Variants in ANKDD1B observed in about 807,000 individuals in gnomAD.
ANKDD1B encodes the protein ankyrin repeat and death domain containing 1B, also known as ankyrin repeat and death domain-containing protein 1B.
A neutral mutation model predicts 59.7 loss-of-function variants in ANKDD1B; 57 were observed. The ratio of observed to expected loss-of-function variants is 0.95; its 90% CI spans 0.77 to 1.19. The LOEUF (loss-of-function observed/expected upper bound fraction) is 1.19. ANKDD1B is among the 50% of genes most tolerant of loss of function. The pLI, the probability that ANKDD1B is intolerant of heterozygous loss-of-function variation, is 0.00. For missense variants in ANKDD1B, 602 were observed against 641.9 expected, an observed-to-expected ratio of 0.94 and a Z score of 0.67; for synonymous variants, 216 against 239.5, an observed-to-expected ratio of 0.90 and a Z score of 0.91.
At chr5:75,612,332 TCCGCC>T (rs1170841613) in intron 1 of ANKDD1B, among the ~76,000 whole-genome samples, 2 of 32,178 alleles carry the variant, frequency 6.2e-5, no homozygotes, top group Non-Finnish European at 1.4e-4. Flanking sequence ...CCCCCCGCCC[TCCGCC>T]CCGCCCCCGC....
At chr5:75,660,452 A>G (rs1233313781) in intron 10 of ANKDD1B, among the ~76,000 whole-genome samples, 1 of 152,230 alleles carries the variant, frequency 6.6e-6, no homozygotes, top group African/African-American at 2.4e-5. Flanking sequence ...GCTAAATAAC[A>G]TTTCATTGTA....
intron 13 of ANKDD1B, 65 bp from the exon 14 acceptor site, chr5:75,670,914 G>A: frequency 1.9e-6 from 1 of 538,002 alleles, no homozygotes; most frequent in Non-Finnish European, 2.8e-6. Context: ...GAATAATAGT[G>A]CCTGGTAGAC....
At chr5:75,669,014 T>C (rs1472626457) in intron 12 of ANKDD1B, among the ~76,000 whole-genome samples, 1 of 152,198 alleles carries the variant, frequency 6.6e-6, no homozygotes, top group South Asian at 2.1e-4. Flanking sequence ...ACAGCTGTCC[T>C]CTCTCTTGTA....
intron 10 of ANKDD1B, 103 bp from the exon 11 acceptor site, chr5:75,663,291 G>A: frequency 1.2e-6 from 1 of 843,058 alleles, no homozygotes; most frequent in Non-Finnish European, 1.9e-6. Flanking sequence ...ACCCAGCATG[G>A]GCTGGTAGAA....
In ANKDD1B at chr5:75,663,448, G is replaced by A. The variant is rs1259219691; in HGVS notation, c.1150G>A (p.Gly384Ser). 2.4e-5 allele frequency: 37 copies of A among 1,536,304 alleles called. No homozygotes were observed. In the East Asian group the frequency reaches 2.9e-4, roughly 12 times the overall value. Residue 384 changes from glycine to serine, a missense_variant, in exon 11 of 14, where the codon GGC becomes AGC. By Grantham distance (56) the Gly-to-Ser change is moderately conservative. Around this residue, in one of 3 missense-constraint regions of ANKDD1B, gnomAD observed 280 missense variants for 319.8 expected, o/e 0.88. Transcript: ENST00000601380. ...ASRSNHSLVVGMLIKAERYYA... is the reference protein window; with the variant it reads ...ASRSNHSLVVSMLIKAERYYA... The stretch of plus-strand genomic sequence containing the variant: ...CAGGAGCAACCATAGCCTTGTCGTG[G>A]GCATGCTCATTAAAGCAGAGAGATA...
In ANKDD1B at chr5:75,637,715, G is replaced by C. The variant is rs143317736; in HGVS notation, c.798+1833G>C. 1.7e-3 allele frequency among the ~76,000 whole-genome samples: 259 copies of C among 152,210 alleles called. 3 individuals are homozygous for C. Among genetic ancestry groups the C allele is most frequent in the African/African-American group, 6.0e-3 (248 of 41,538 alleles). On this transcript the variant is annotated intron_variant, in intron 7 of 13. Coordinates refer to ENST00000601380, the MANE Select transcript of ANKDD1B (RefSeq NM_001276713.2). ...AGGAAAAAATAAGCAAGATAACTCA[G>C]TTAATTGTTTCTAAATTTCATGCTG...
intron 13 of ANKDD1B, 106 bp downstream of exon 13, chr5:75,669,489 TG>T: frequency 9.9e-7 from 1 of 1,011,322 alleles, no homozygotes; most frequent in Non-Finnish European, 1.3e-6. Context: ...TGGTGTTAGC[TG>T]TGGCTCACAC....
chr5:75,616,548 G>A (rs550381555), intron 1 of ANKDD1B, among the ~76,000 whole-genome samples: 2 of 152,328 alleles, frequency 1.3e-5, no homozygotes, highest in South Asian at 4.1e-4. Flanking sequence ...ACTGACTTCA[G>A]GGTGGTCCTC....
At chr5:75,616,470 T>A (rs1033256370) in intron 1 of ANKDD1B, among the ~76,000 whole-genome samples, 3 of 152,132 alleles carry the variant, frequency 2.0e-5, no homozygotes, top group Non-Finnish European at 2.9e-5. Flanking sequence ...TGTACAAGGT[T>A]TTTTACAAAC....
At chr5:75,670,672 T>C (rs1252776980) in intron 13 of ANKDD1B, among the ~76,000 whole-genome samples, 1 of 152,204 alleles carries the variant, frequency 6.6e-6, no homozygotes, top group Non-Finnish European at 1.5e-5. Context: ...ATTCTTCCTA[T>C]GAAAGAGGTT....
At chr5:75,640,377 T>G (rs1429834325) in intron 7 of ANKDD1B, among the ~76,000 whole-genome samples, 1 of 152,214 alleles carries the variant, frequency 6.6e-6, no homozygotes, top group Non-Finnish European at 1.5e-5. Flanking sequence ...TTTAGTTTTC[T>G]TATCTGTAAC....
chr5:75,654,624 G>A (rs1372253590), intron 8 of ANKDD1B, among the ~76,000 whole-genome samples: 1 of 152,012 alleles, frequency 6.6e-6, no homozygotes, highest in Non-Finnish European at 1.5e-5. Context: ...AGGTTACAGT[G>A]AATGACGATG....
intron 5 of ANKDD1B, among the ~76,000 whole-genome samples, chr5:75,632,949 G>A (rs1053907889): frequency 5.3e-5 from 8 of 152,164 alleles, no homozygotes; most frequent in African/African-American, 1.9e-4. Flanking sequence ...AATTATTTAT[G>A]AGGATATGTG....
chr5:75,648,280 A>AAT (rs55883143), intron 7 of ANKDD1B, among the ~76,000 whole-genome samples: 1 of 139,500 alleles, frequency 7.2e-6, no homozygotes, highest in African/African-American at 2.7e-5. Context: ...AAAAAAAAAA[A>AAT]AAAGAATTCA....
chr5:75,660,750 T>C (rs779755312), intron 10 of ANKDD1B, among the ~76,000 whole-genome samples: 2 of 152,122 alleles, frequency 1.3e-5, no homozygotes, highest in Non-Finnish European at 2.9e-5. Flanking sequence ...TCACTCCAGT[T>C]TTCAAGAGCA....
intron 1 of ANKDD1B, among the ~76,000 whole-genome samples, chr5:75,612,400 G>A (rs1773594013): frequency 7.3e-6 from 1 of 137,610 alleles, no homozygotes; most frequent in Non-Finnish European, 1.6e-5. Context: ...CTGGAAGGCA[G>A]TAGTGCAATC....
At chr5:75,617,872 G>C (rs1773752320) in intron 2 of ANKDD1B, among the ~76,000 whole-genome samples, 1 of 152,274 alleles carries the variant, frequency 6.6e-6, no homozygotes, top group South Asian at 2.1e-4. Context: ...AGAAACTGAA[G>C]CTGCAGAATC....
chr5:75,653,990 T>A (rs1314690596), intron 8 of ANKDD1B, among the ~76,000 whole-genome samples: 1 of 152,254 alleles, frequency 6.6e-6, no homozygotes, highest in East Asian at 1.9e-4. Context: ...CAATGCCCAC[T>A]TCTTTGCAAT....
At chr5:75,663,273 C>T in intron 10 of ANKDD1B, 121 bp from the exon 11 acceptor site, 1 of 734,416 alleles carries the variant, frequency 1.4e-6, no homozygotes, top group Non-Finnish European at 2.3e-6. Flanking sequence ...AAGGACTGGC[C>T]TAAGTTTACC....
Sources: allele counts gnomAD v4.1 joint callset (sites outside exome capture counted in the v4.1 genomes callset), GRCh38; gene constraint gnomAD v4.1.1; regional missense constraint gnomAD v4.1.1; transcripts MANE v1.5; gene names NCBI Gene and HGNC (gene_info 2026-07-23, HGNC 2026-07-21).